DCDC1: variants seen among roughly 807,000 people sequenced by gnomAD.
DCDC1 encodes doublecortin domain containing 1.
Under a neutral mutation model 178.3 loss-of-function variants are expected in DCDC1, and 200 were observed. That is an observed-to-expected ratio of 1.12 (90% CI 1.00 to 1.26). The LOEUF (loss-of-function observed/expected upper bound fraction) is 1.26, where lower values mean the gene tolerates loss of function less well. DCDC1 is among the 50% of genes most tolerant of loss of function. The pLI, the probability that DCDC1 is intolerant of heterozygous loss-of-function variation, is 0.00. For synonymous variants in DCDC1, 690 were observed against 604.8 expected, an observed-to-expected ratio of 1.14 and a Z score of -2.07; for missense variants, 1,983 against 1,749.2, an observed-to-expected ratio of 1.13 and a Z score of -2.38.
intron 20 of DCDC1, among the ~76,000 whole-genome samples, chr11:30,969,557 A>C (rs151457): frequency 0.023 from 3,545 of 152,288 alleles, 150 homozygotes; most frequent in African/African-American, 0.082. Context: ...ACCAAGTTTG[A>C]GGCAGTTTGT....
intron 7 of DCDC1, among the ~76,000 whole-genome samples, chr11:31,272,939 G>T (rs1213177103): frequency 6.6e-6 from 1 of 152,194 alleles, no homozygotes. Context: ...AGCTGCCAAG[G>T]CTTGGGGCTT....
intron 9 of DCDC1, among the ~76,000 whole-genome samples, chr11:31,230,334 T>A (rs1975609208): frequency 6.7e-6 from 1 of 150,098 alleles, no homozygotes; most frequent in Non-Finnish European, 1.5e-5. Context: ...TAAAAAATAG[T>A]CATAAAAAAT....
chr11:31,031,953 A>G (rs1445662490), intron 20 of DCDC1, among the ~76,000 whole-genome samples: 1 of 152,176 alleles, frequency 6.6e-6, no homozygotes, highest in East Asian at 1.9e-4. Flanking sequence ...TATTCTGTAA[A>G]TAATATTTTT....
At chr11:31,046,393 G>T (rs1262383061) in intron 20 of DCDC1, among the ~76,000 whole-genome samples, 3 of 151,832 alleles carry the variant, frequency 2.0e-5, no homozygotes, top group Admixed American at 1.3e-4. Flanking sequence ...CATATTCAGA[G>T]AATAGCTGCA....
At chr11:31,107,800 T>A (rs906439433) in intron 12 of DCDC1, among the ~76,000 whole-genome samples, 1 of 152,160 alleles carries the variant, frequency 6.6e-6, no homozygotes, top group African/African-American at 2.4e-5. Context: ...CTCCACCCTA[T>A]CCATCACTCT....
intron 1 of DCDC1, among the ~76,000 whole-genome samples, chr11:31,366,410 G>C (rs756153191): frequency 2.6e-4 from 40 of 152,298 alleles, no homozygotes; most frequent in Middle Eastern, 6.8e-3. Flanking sequence ...CAGAAAGCTT[G>C]CAACCCAACT....
In DCDC1 at chr11:30,888,060, A is replaced by AAGAG. The variant is rs59618526; in HGVS notation, c.5082+4754_5082+4757dup. Among the ~76,000 whole-genome samples, 54 of 73,468 alleles carry AAGAG rather than the reference A, an allele frequency of 7.4e-4. 1 individual carries two copies. The highest frequency in any genetic ancestry group is 7.1e-3 in the Middle Eastern group (1 of 140). The allele number at this position is 73,468 out of a possible 152,430, so 48.2% of individuals were successfully genotyped here. A position where few individuals can be genotyped will look rare whatever the true frequency, so the allele number is the denominator to read the frequency against. On this transcript the variant is annotated intron_variant, in intron 36 of 38. Transcript: ENST00000684477. ...AAAGAAAGAAAGAAAGAAAGAAAGAAAGAGAGAGAGAGAGAGAGAGAGAGA... is the reference window on the plus strand; with the variant it reads ...AAAGAAAGAAAGAAAGAAAGAAAGAAAGAGAGAGAGAGAGAGAGAGAGAGAGAGA...
intron 1 of DCDC1, among the ~76,000 whole-genome samples, chr11:31,337,101 C>G (rs1416254129): frequency 6.6e-6 from 1 of 152,172 alleles, no homozygotes; most frequent in African/African-American, 2.4e-5. Context: ...TAAACCTAAT[C>G]CTGAAATACC....
chr11:31,012,525 A>G (rs374780188), intron 20 of DCDC1, among the ~76,000 whole-genome samples: 7 of 151,482 alleles, frequency 4.6e-5, no homozygotes, highest in Admixed American at 3.3e-4. Context: ...AGGATCACTG[A>G]GCCTGAGAGG....
intron 9 of DCDC1, among the ~76,000 whole-genome samples, chr11:31,225,797 G>A (rs770069342): frequency 6.6e-6 from 1 of 150,754 alleles, no homozygotes; most frequent in Non-Finnish European, 1.5e-5. Context: ...GGATTTGATC[G>A]AGTTGGATTT....
chr11:31,258,502 C>T (rs966494686), intron 8 of DCDC1, among the ~76,000 whole-genome samples: 15 of 152,118 alleles, frequency 9.9e-5, no homozygotes, highest in Non-Finnish European at 1.8e-4. Flanking sequence ...GAAAAGGGAA[C>T]TTTCTGAAAG....
In DCDC1 at chr11:31,043,794, TTG is replaced by T. The variant is rs369751159; in HGVS notation, c.2591+20673_2591+20674del. Among the ~76,000 whole-genome samples the T allele has an allele frequency of 1.1e-3, 167 of 151,526 alleles. 3 individuals carry two copies. In the South Asian group the frequency reaches 0.034, roughly 31 times the overall value. ...GCTGAGCCGGTAATTTTGATTTGTT[TTG>T]TGTGTGTGTGTGTTTCTTTTTGTTT... On this transcript the variant is annotated intron_variant, in intron 20 of 38. Coordinates refer to ENST00000684477, the MANE Select transcript of DCDC1 (RefSeq NM_001387274.1).
At chr11:31,074,769 G>A (rs1956768306) in intron 18 of DCDC1, among the ~76,000 whole-genome samples, 3 of 152,274 alleles carry the variant, frequency 2.0e-5, no homozygotes, top group South Asian at 2.1e-4. Context: ...TTGGAACCGG[G>A]TAATGAACAG....
chr11:31,341,708 T>C (rs1215226028), intron 1 of DCDC1, among the ~76,000 whole-genome samples: 1 of 152,066 alleles, frequency 6.6e-6, no homozygotes, highest in Non-Finnish European at 1.5e-5. Flanking sequence ...AACAGCTATG[T>C]CACTAGGTGA....
chr11:31,330,479 A>G (rs1344424957), intron 2 of DCDC1, among the ~76,000 whole-genome samples: 1 of 152,176 alleles, frequency 6.6e-6, no homozygotes, highest in Non-Finnish European at 1.5e-5. Context: ...GCCCATGCCT[A>G]TGTCCTGAAT....
At chr11:31,230,127 A>C (rs1245057132) in intron 9 of DCDC1, among the ~76,000 whole-genome samples, 1 of 152,166 alleles carries the variant, frequency 6.6e-6, no homozygotes, top group African/African-American at 2.4e-5. Context: ...CCACACAAAA[A>C]TCTTTTACAA....
intron 1 of DCDC1, among the ~76,000 whole-genome samples, chr11:31,363,560 T>C (rs1313282551): frequency 6.6e-6 from 1 of 152,122 alleles, no homozygotes; most frequent in African/African-American, 2.4e-5. Context: ...AAAACCTGAA[T>C]GCAATAACAT....
At chr11:31,033,212 G>T (rs1011350298) in intron 20 of DCDC1, among the ~76,000 whole-genome samples, 1 of 152,140 alleles carries the variant, frequency 6.6e-6, no homozygotes, top group Non-Finnish European at 1.5e-5. Context: ...CAAGTGTAGA[G>T]AGGAAGAACT....
chr11:31,293,507 G>C (rs1245928853), intron 6 of DCDC1, among the ~76,000 whole-genome samples: 1 of 152,174 alleles, frequency 6.6e-6, no homozygotes, highest in Non-Finnish European at 1.5e-5. Context: ...AAGCTGTGCA[G>C]GGCCCTCACA....
Sources: gnomAD v4.1 joint callset for allele counts (sites outside exome capture counted in the v4.1 genomes callset) on GRCh38, gnomAD v4.1.1 for gene constraint, MANE v1.5 for transcripts, NCBI Gene and HGNC (gene_info 2026-07-23, HGNC 2026-07-21) for gene names.